POU2F2: variants seen among roughly 807,000 people sequenced by gnomAD.
POU2F2 encodes POU domain, class 2, transcription factor 2.
Under a neutral mutation model 63.5 loss-of-function variants are expected in POU2F2, and 14 were observed. The observed-to-expected ratio is 0.22, with a 90% CI of 0.15 to 0.34. POU2F2 has a LOEUF of 0.34. Ranked by LOEUF, POU2F2 falls within the 10% of genes least tolerant of loss-of-function variation. The pLI is 1.00. For synonymous variants in POU2F2, 306 were observed against 348.6 expected (o/e 0.88, Z 1.36); for missense variants, 607 against 815.2 (o/e 0.74, Z 3.11).
intron 1 of POU2F2, among the ~76,000 whole-genome samples, chr19:42,182,161 G>A (rs1185375886): frequency 6.6e-6 from 1 of 151,756 alleles, no homozygotes; most frequent in Non-Finnish European, 1.5e-5. Flanking sequence ...AGAATCACTT[G>A]AACTCAGGAG....
At chr19:42,129,076 G>A (rs542133538) in intron 1 of POU2F2, among the ~76,000 whole-genome samples, 196 of 151,988 alleles carry the variant, frequency 1.3e-3, no homozygotes, top group African/African-American at 4.5e-3. Context: ...CAAGTGATCC[G>A]CCCACCTCAG....
At chr19:42,150,752 TA>T (rs1482495773) in intron 2 of POU2F2, among the ~76,000 whole-genome samples, 4 of 152,252 alleles carry the variant, frequency 2.6e-5, no homozygotes, top group East Asian at 3.9e-4. Context: ...CCTGTTTTTT[TA>T]TTCTTTTAAT....
chr19:42,174,660 C>G (rs1475728854), intron 1 of POU2F2, among the ~76,000 whole-genome samples: 2 of 152,150 alleles, frequency 1.3e-5, no homozygotes, highest in East Asian at 3.9e-4. Context: ...TTAGTCCTTC[C>G]TGAACACATC....
At position 42,117,307 on chromosome 19, in the gene POU2F2, C is replaced by A; in HGVS notation, c.312G>T (p.Pro104=). The change falls in exon 5 of 15, where the codon CCG becomes CCT. Residue 104 remains proline (P), a synonymous_variant. Transcript: ENST00000692977. This position sits in a 1 kb window ranked among gnomAD's most constrained non-coding sequence, Gnocchi z 4.4. ...GGGCCTGGGGCAGATGAGGCTGGGCCGGCTGAGGGGGCAGGGGTGCTGCTG... is the reference window on the plus strand; with the variant it reads ...GGGCCTGGGGCAGATGAGGCTGGGCAGGCTGAGGGGGCAGGGGTGCTGCTG... The part of the protein sequence containing the change: ...SAPAAPLPPQ[P]AQPHLPQAQL... The A allele has an allele frequency of 1.3e-6, 2 of 1,514,428 alleles. No individual in the cohort carries two copies. Among genetic ancestry groups the A allele is most frequent in the Non-Finnish European group, 1.8e-6 (2 of 1,141,218 alleles). 93.8% of individuals were successfully genotyped at this position (1,514,428 alleles called of 1,614,324 possible). A position where few individuals can be genotyped will look rare whatever the true frequency, so the allele number is the denominator to read the frequency against.
chr19:42,135,205 G>A (rs1207792252), upstream of POU2F2, among the ~76,000 whole-genome samples: 1 of 152,076 alleles, frequency 6.6e-6, no homozygotes, highest in Non-Finnish European at 1.5e-5. Context: ...AGCTCAGAGA[G>A]GCTCCTCAGA....
upstream of POU2F2, chr19:42,137,218 A>G (rs1049547989): frequency 1.3e-5 from 2 of 152,248 alleles, no homozygotes; most frequent in Non-Finnish European, 2.9e-5. Flanking sequence ...ATACCCCTGT[A>G]GTCCTGGCTC....
chr19:42,119,143 G>A (rs1482706975), intron 4 of POU2F2, among the ~76,000 whole-genome samples: 1 of 150,698 alleles, frequency 6.6e-6, no homozygotes, highest in African/African-American at 2.4e-5. Context: ...AAGAGAGAGA[G>A]AGAGGTTAAA....
In POU2F2 at chr19:42,096,415, A is replaced by G. The variant is rs1440615931; in HGVS notation, c.568-172T>C. 6.6e-6 allele frequency among the ~76,000 whole-genome samples: 1 copy of G among 152,074 alleles called. No homozygotes were observed. Among genetic ancestry groups the G allele is most frequent in the South Asian group, 2.1e-4 (1 of 4,824 alleles). ...TCAATCCCTTTAAAGGTCCCTCCAC[A>G]TGCACTGTTAATCCCTTTAAAGGTC... On this transcript the variant is annotated intron_variant, in intron 7 of 14. Coordinates refer to ENST00000692977, the MANE Select transcript of POU2F2 (RefSeq NM_001394376.1). The surrounding 1 kb of genome is among the most constrained non-coding windows in gnomAD (Gnocchi z 4.1).
At chr19:42,183,766 G>A (rs890391519) in intron 1 of POU2F2, among the ~76,000 whole-genome samples, 3 of 152,190 alleles carry the variant, frequency 2.0e-5, no homozygotes, top group African/African-American at 7.2e-5. Flanking sequence ...AGGCAGGATG[G>A]AGAAAGCGTT....
intron 1 of POU2F2, among the ~76,000 whole-genome samples, chr19:42,174,215 C>T (rs144790392): frequency 1.6e-3 from 244 of 152,250 alleles, no homozygotes; most frequent in Middle Eastern, 3.4e-3. Flanking sequence ...GCAGAGACCC[C>T]GAGCAATAAC....
chr19:42,113,166 T>C (rs2031365656), intron 5 of POU2F2, among the ~76,000 whole-genome samples: 1 of 152,180 alleles, frequency 6.6e-6, no homozygotes, highest in Non-Finnish European at 1.5e-5. Flanking sequence ...CATGGTCCTA[T>C]TAGGAAAATA....
intron 1 of POU2F2, among the ~76,000 whole-genome samples, chr19:42,185,080 A>G (rs546234738): frequency 4.6e-5 from 7 of 152,224 alleles, no homozygotes; most frequent in African/African-American, 9.6e-5. Flanking sequence ...TTCACATCCA[A>G]TCAGGATTGA....
chr19:42,089,473 T>C lies in POU2F2; in HGVS notation c.*1784A>G, dbSNP rs2146260132. On this transcript the variant is annotated 3_prime_UTR_variant, in exon 15 of 15. Coordinates refer to ENST00000692977, the MANE Select transcript of POU2F2 (RefSeq NM_001394376.1). ...TGGGGCTCTTCACCCCTGTCCCTGA[T>C]ACCCTCTCTCAGCCCCGCCCACCCG... The C allele has an allele frequency of 6.6e-6, 1 of 152,532 alleles. No homozygotes were observed. Among genetic ancestry groups the C allele is most frequent in the African/African-American group, 2.4e-5 (1 of 41,504 alleles). 9.4% of individuals were successfully genotyped at this position (152,532 alleles called of 1,614,324 possible).
chr19:42,177,251 C>CCCCGCT (rs963014224), upstream of POU2F2: 30 of 155,380 alleles, frequency 1.9e-4, no homozygotes, highest in Non-Finnish European at 3.4e-4. Context: ...CCAACGCTAC[C>CCCCGCT]CCCGCTCCCG....
intron 4 of POU2F2, among the ~76,000 whole-genome samples, chr19:42,118,071 C>T (rs2032152872): frequency 6.6e-6 from 1 of 152,110 alleles, no homozygotes; most frequent in South Asian, 2.1e-4. Context: ...ACTACAGGTG[C>T]CCACCACACA....
chr19:42,164,304 A>C (rs1170669239), intron 1 of POU2F2, among the ~76,000 whole-genome samples: 2 of 152,028 alleles, frequency 1.3e-5, no homozygotes, highest in Non-Finnish European at 2.9e-5. Context: ...AAAAAAAAAA[A>C]AAAAGGCCAG....
upstream of POU2F2, chr19:42,177,051 G>T (rs1247066649): frequency 1.3e-5 from 2 of 151,738 alleles, no homozygotes; most frequent in East Asian, 3.9e-4. Context: ...GAGGGGAGAG[G>T]GAGGAAGGGA....
At chr19:42,192,377 C>T (rs1568429817) in intron 1 of POU2F2, among the ~76,000 whole-genome samples, 2 of 152,092 alleles carry the variant, frequency 1.3e-5, no homozygotes, top group Non-Finnish European at 2.9e-5. Flanking sequence ...CCTCTTACAT[C>T]CCTTTGAGAT....
At chr19:42,176,419 G>A (rs1199492094), upstream of POU2F2, among the ~76,000 whole-genome samples, 1 of 152,012 alleles carries the variant, frequency 6.6e-6, no homozygotes, top group Non-Finnish European at 1.5e-5. Flanking sequence ...TCAGCTCTGC[G>A]GCCGTCAGGC....
Sources: gnomAD v4.1 joint callset for allele counts (sites outside exome capture counted in the v4.1 genomes callset) on GRCh38, gnomAD v4.1.1 for gene constraint, Gnocchi (gnomAD v3.1) non-coding constraint, MANE v1.5 for transcripts, NCBI Gene and HGNC (gene_info 2026-07-23, HGNC 2026-07-21) for gene names.